TP63: variants seen among roughly 807,000 people sequenced by gnomAD.
TP63 encodes tumor protein 63.
Under a neutral mutation model 82.8 loss-of-function variants are expected in TP63, and 17 were observed. That is an observed-to-expected ratio of 0.21 (90% confidence interval 0.14 to 0.31). The LOEUF is 0.31. TP63 is among the 10% of genes least tolerant of loss of function. The pLI, the probability that TP63 is intolerant of heterozygous loss-of-function variation, is 1.00. For synonymous variants in TP63, 330 were observed against 321.7 expected (o/e 1.03, Z -0.28); for missense variants, 648 against 895.3 (o/e 0.72, Z 3.52).
intron 4 of TP63, chr3:189,844,320 C>G (rs529654804): frequency 5.0e-6 from 2 of 401,734 alleles, no homozygotes; most frequent in African/African-American, 4.2e-5. Context: ...TACAGGCACG[C>G]GCCACCACGC....
At chr3:189,715,720 A>G (rs1718910641) in intron 1 of TP63, among the ~76,000 whole-genome samples, 1 of 152,166 alleles carries the variant, frequency 6.6e-6, no homozygotes, top group East Asian at 1.9e-4. Context: ...AACCACAATG[A>G]ATCTTATTGT....
At chr3:189,689,104 C>CTTTT (rs776704674) in intron 1 of TP63, among the ~76,000 whole-genome samples, 1 of 68,282 alleles carries the variant, frequency 1.5e-5, no homozygotes, top group Non-Finnish European at 2.3e-5. Flanking sequence ...CTACCTTTTT[C>CTTTT]TTTTTTTTTT....
At chr3:189,710,663 A>C (rs1718527125) in intron 1 of TP63, among the ~76,000 whole-genome samples, 1 of 152,114 alleles carries the variant, frequency 6.6e-6, no homozygotes, top group African/African-American at 2.4e-5. Flanking sequence ...ATAGTTATTT[A>C]TGTGCTTAAA....
At chr3:189,731,404 T>G (rs1251927336) in intron 1 of TP63, among the ~76,000 whole-genome samples, 1 of 152,134 alleles carries the variant, frequency 6.6e-6, no homozygotes, top group South Asian at 2.1e-4. Flanking sequence ...TGTGAACCAG[T>G]GAACCAGTTC....
At position 189,646,326 on chromosome 3, in the gene TP63, T is replaced by G. The variant is rs556556567; in HGVS notation, c.62+14749T>G. 2.0e-4 allele frequency among the ~76,000 whole-genome samples: 30 copies of G among 146,950 alleles called. 3 individuals are homozygous for G. Among genetic ancestry groups the G allele is most frequent in the Non-Finnish European group, 2.2e-4 (15 of 67,292 alleles). ...TGGTCTTCTCTGTAGGTGTAGGGTA[T>G]GCGTTTTACAAATGCATAGGAAGTG... On this transcript the variant is annotated intron_variant, in intron 1 of 13. Coordinates refer to ENST00000264731, the MANE Select transcript of TP63 (RefSeq NM_003722.5).
chr3:189,657,522 C>T (rs1713489572), intron 1 of TP63, among the ~76,000 whole-genome samples: 1 of 152,008 alleles, frequency 6.6e-6, no homozygotes, highest in African/African-American at 2.4e-5. Context: ...ATAAAAATTG[C>T]ACTCTCTTTG....
intron 4 of TP63, among the ~76,000 whole-genome samples, chr3:189,840,231 CT>C (rs987391882): frequency 2.0e-5 from 3 of 150,804 alleles, no homozygotes; most frequent in African/African-American, 7.3e-5. Context: ...CAGATCCTAA[CT>C]TTTTTTTTCA....
intron 3 of TP63, among the ~76,000 whole-genome samples, chr3:189,770,698 C>A (rs1270476714): frequency 6.6e-6 from 1 of 152,096 alleles, no homozygotes; most frequent in Non-Finnish European, 1.5e-5. Flanking sequence ...TTTTAAAGAA[C>A]ATTTTTCTCT....
intron 1 of TP63, among the ~76,000 whole-genome samples, chr3:189,672,667 AGG>A (rs1715014307): frequency 1.9e-5 from 1 of 53,452 alleles, no homozygotes; most frequent in Non-Finnish European, 4.6e-5. Flanking sequence ...GAAGGAAAGA[AGG>A]AAGGAAGGAA....
At chr3:189,596,754 G>A in the TP63 span, among the ~76,000 whole-genome samples, 1 of 152,150 alleles carries the variant, frequency 6.6e-6, no homozygotes, top group Non-Finnish European at 1.5e-5. Flanking sequence ...GTGGCAACCC[G>A]CTGGGGTCAC....
chr3:189,864,540 CCTTTTT>C, intron 5 of TP63, 122 bp downstream of exon 5: 3 of 443,288 alleles, frequency 6.8e-6, no homozygotes, highest in Non-Finnish European at 1.0e-5. Flanking sequence ...GATCAGTCTG[CCTTTTT>C]TTTTTTTTTT....
chr3:189,721,247 A>C (rs971050638), intron 1 of TP63, among the ~76,000 whole-genome samples: 2 of 152,198 alleles, frequency 1.3e-5, no homozygotes, highest in African/African-American at 4.8e-5. Flanking sequence ...TGTTGAAAGA[A>C]CTAGGGCTAC....
At chr3:189,813,203 C>T (rs530116123) in intron 4 of TP63, among the ~76,000 whole-genome samples, 1 of 152,266 alleles carries the variant, frequency 6.6e-6, no homozygotes, top group African/African-American at 2.4e-5. Flanking sequence ...TTACTTATGG[C>T]AGACTCAAGA....
In TP63 at chr3:189,694,317, G is replaced by C. The variant is rs540186428; in HGVS notation, c.63-43423G>C. On this transcript the variant is annotated intron_variant, in intron 1 of 13. Transcript: ENST00000264731. ...ATTTGCCACAACGAATGAACTAATAGTGATACATTATTTTTAACTAAAGTT... is the reference window on the plus strand; with the variant it reads ...ATTTGCCACAACGAATGAACTAATACTGATACATTATTTTTAACTAAAGTT... Among the ~76,000 whole-genome samples the C allele has an allele frequency of 3.9e-5, 6 of 152,238 alleles. No individual in the cohort carries two copies. In the East Asian group the frequency reaches 1.2e-3, roughly 29 times the overall value.
intron 3 of TP63, among the ~76,000 whole-genome samples, chr3:189,793,022 A>G (rs1256164926): frequency 6.6e-6 from 1 of 152,120 alleles, no homozygotes; most frequent in Non-Finnish European, 1.5e-5. Flanking sequence ...GCTAGTTAGC[A>G]TCATAGGAAA....
chr3:189,622,215 G>T, the TP63 span, among the ~76,000 whole-genome samples: 1,920 of 152,294 alleles, frequency 0.013, 46 homozygotes, highest in African/African-American at 0.044. Flanking sequence ...GCTGGCATTC[G>T]CAGGGCTTAT....
At chr3:189,639,370 A>G (rs1711605839) in intron 1 of TP63, among the ~76,000 whole-genome samples, 1 of 152,122 alleles carries the variant, frequency 6.6e-6, no homozygotes, top group Admixed American at 6.6e-5. Context: ...CATAAACCAT[A>G]ATATTTGGGG....
chr3:189,761,848 A>C (rs1279274569), intron 3 of TP63, among the ~76,000 whole-genome samples: 1 of 152,238 alleles, frequency 6.6e-6, no homozygotes, highest in Non-Finnish European at 1.5e-5. Context: ...GGCAAGGAGG[A>C]GCAAGTCACA....
intron 3 of TP63, among the ~76,000 whole-genome samples, chr3:189,765,803 T>C (rs377251660): frequency 4.6e-5 from 7 of 152,248 alleles, no homozygotes; most frequent in African/African-American, 1.7e-4. Flanking sequence ...GAGCCTTGGC[T>C]TCTGTTCTTC....
Sources: allele counts gnomAD v4.1 joint callset (sites outside exome capture counted in the v4.1 genomes callset), GRCh38; gene constraint gnomAD v4.1.1; transcripts MANE v1.5; gene names NCBI Gene and HGNC (gene_info 2026-07-23, HGNC 2026-07-21).